The following CPNE8 variants were observed in gnomAD, a reference collection of about 807,000 sequenced individuals.
The protein encoded by CPNE8 is copine-8.
CPNE8 carries 45 observed loss-of-function variants against 81.5 expected under a neutral mutation model. That is an observed-to-expected ratio of 0.55 (90% CI 0.44 to 0.71). The LOEUF (loss-of-function observed/expected upper bound fraction) is 0.71. CPNE8 is among the 30% of genes least tolerant of loss of function. The pLI, the probability that CPNE8 is intolerant of heterozygous loss-of-function variation, is 0.00. For missense variants in CPNE8, 594 were observed against 672.1 expected (o/e 0.88, Z 1.28); for synonymous variants, 252 against 226.3 (o/e 1.11, Z -1.02).
chr12:38,888,917 G>C (rs1002926023), intron 1 of CPNE8, among the ~76,000 whole-genome samples: 7 of 152,068 alleles, frequency 4.6e-5, no homozygotes, highest in African/African-American at 1.4e-4. Context: ...GTTCATATGT[G>C]ATGTGCCTTT....
At chr12:38,831,979 G>C (rs372249938) in intron 5 of CPNE8, among the ~76,000 whole-genome samples, 1 of 152,280 alleles carries the variant, frequency 6.6e-6, no homozygotes, top group Middle Eastern at 3.4e-3. Flanking sequence ...CATAAATATT[G>C]AGCAGGATCA....
chr12:38,902,275 A>AAAGAAAAG lies in CPNE8; in HGVS notation c.98+3161_98+3162insCTTTTCTT, dbSNP rs1565669839. On this transcript the variant is annotated intron_variant, in intron 1 of 19. Coordinates refer to ENST00000331366, the MANE Select transcript of CPNE8 (RefSeq NM_153634.3). The stretch of plus-strand genomic sequence containing the variant: ...AAAGAAAAAAGAAAGAAAGAAAAAG[A>AAAGAAAAG]AAAGAAAGAAGGAAGGAAGGAAAGG... Among the ~76,000 whole-genome samples the AAAGAAAAG allele has an allele frequency of 5.0e-5, 6 of 120,182 alleles. 1 individual carries two copies. Among genetic ancestry groups the AAAGAAAAG allele is most frequent in the African/African-American group, 1.7e-4 (5 of 29,256 alleles). 78.8% of individuals were successfully genotyped at this position (120,182 alleles called of 152,430 possible). A position where few individuals can be genotyped will look rare whatever the true frequency, so the allele number is the denominator to read the frequency against.
At chr12:38,654,102 A>G in intron 19 of CPNE8, 32 bp from the exon 20 acceptor site, 1 of 1,562,818 alleles carries the variant, frequency 6.4e-7, no homozygotes, top group Non-Finnish European at 8.7e-7. Context: ...GTTATTTCAC[A>G]GACTTTAGCA....
chr12:38,884,003 C>G (rs1018189748), intron 1 of CPNE8, among the ~76,000 whole-genome samples: 2 of 152,150 alleles, frequency 1.3e-5, no homozygotes, highest in Non-Finnish European at 2.9e-5. Context: ...TCTAGCTAAT[C>G]CACAGTATCT....
chr12:38,827,355 A>C (rs1273804673), intron 6 of CPNE8, among the ~76,000 whole-genome samples: 1 of 152,126 alleles, frequency 6.6e-6, no homozygotes, highest in Non-Finnish European at 1.5e-5. Context: ...AAAAGGGAAC[A>C]CTTATATGCT....
At chr12:38,798,240 A>G (rs1942554144) in intron 6 of CPNE8, among the ~76,000 whole-genome samples, 2 of 152,112 alleles carry the variant, frequency 1.3e-5, no homozygotes, top group African/African-American at 4.8e-5. Context: ...TCCAAGACAC[A>G]TAATTGTCGG....
At chr12:38,704,526 G>T (rs1007411556) in intron 13 of CPNE8, among the ~76,000 whole-genome samples, 1 of 151,966 alleles carries the variant, frequency 6.6e-6, no homozygotes. Context: ...AGTCAAAAAT[G>T]CATTTAAATA....
intron 13 of CPNE8, among the ~76,000 whole-genome samples, chr12:38,704,697 C>T (rs1299490625): frequency 6.6e-6 from 1 of 151,450 alleles, no homozygotes; most frequent in Non-Finnish European, 1.5e-5. Flanking sequence ...CTGTGGCCAC[C>T]GTCCAGCATC....
Position 38,757,074 on chromosome 12 carries a change from T to C in CPNE8, c.722+3773A>G, listed in dbSNP as rs536915832. The stretch of plus-strand genomic sequence containing the variant: ...ACTAGAAAATTTAAAATTATATATG[T>C]GACTTGCATTATATTTCCATTGTAC... On this transcript the variant is annotated intron_variant, in intron 10 of 19. Coordinates refer to ENST00000331366, the MANE Select transcript of CPNE8 (RefSeq NM_153634.3). Among the ~76,000 whole-genome samples the C allele has an allele frequency of 7.9e-5, 12 of 152,200 alleles. 1 individual carries two copies. Among genetic ancestry groups the C allele is most frequent in the Admixed American group, 2.6e-4 (4 of 15,276 alleles).
chr12:38,753,384 A>G (rs1941392366), intron 10 of CPNE8, among the ~76,000 whole-genome samples: 1 of 152,180 alleles, frequency 6.6e-6, no homozygotes, highest in Non-Finnish European at 1.5e-5. Context: ...TCTGGGAAGC[A>G]GAGGTTGCAG....
intron 10 of CPNE8, among the ~76,000 whole-genome samples, chr12:38,750,348 A>G (rs957848362): frequency 2.0e-5 from 3 of 152,158 alleles, no homozygotes; most frequent in Non-Finnish European, 4.4e-5. Flanking sequence ...TGGAGCTGTG[A>G]GAAGAGGGCC....
At chr12:38,891,948 G>A (rs759763868) in intron 1 of CPNE8, among the ~76,000 whole-genome samples, 2 of 152,156 alleles carry the variant, frequency 1.3e-5, no homozygotes, top group Non-Finnish European at 2.9e-5. Flanking sequence ...GGAGACAGGC[G>A]TGCAAAAACC....
At position 38,704,826 on chromosome 12, in the gene CPNE8, G is replaced by GTATATATATGTGTGTATATA. The variant is rs58878926; in HGVS notation, c.915-1906_915-1905insTATATACACACATATATATA. On this transcript the variant is annotated intron_variant, in intron 13 of 19. Coordinates refer to ENST00000331366, the MANE Select transcript of CPNE8 (RefSeq NM_153634.3). ...GGACCATCTGTGTGTGTATGTATGTGTATATATATATATATATATATATAT... is the reference window on the plus strand; with the variant it reads ...GGACCATCTGTGTGTGTATGTATGTGTATATATATGTGTGTATATATATATATATATATATATATATATAT... Among the ~76,000 whole-genome samples the GTATATATATGTGTGTATATA allele has an allele frequency of 5.4e-3, 273 of 50,168 alleles. 12 individuals are homozygous for GTATATATATGTGTGTATATA. Among genetic ancestry groups the GTATATATATGTGTGTATATA allele is most frequent in the African/African-American group, 0.012 (251 of 21,624 alleles). 32.9% of individuals were successfully genotyped at this position (50,168 alleles called of 152,430 possible). A position where few individuals can be genotyped will look rare whatever the true frequency, so the allele number is the denominator to read the frequency against.
intron 5 of CPNE8, among the ~76,000 whole-genome samples, chr12:38,839,457 C>A (rs1164281503): frequency 6.6e-6 from 1 of 151,966 alleles, no homozygotes; most frequent in Non-Finnish European, 1.5e-5. Flanking sequence ...CCATATTATG[C>A]CCTCTGAAAC....
chr12:38,708,616 A>G (rs1940172773), intron 13 of CPNE8, among the ~76,000 whole-genome samples: 1 of 152,210 alleles, frequency 6.6e-6, no homozygotes, highest in Non-Finnish European at 1.5e-5. Context: ...GAGATCTCCC[A>G]ATACATATGT....
chr12:38,679,460 C>A (rs1592005132), intron 16 of CPNE8: 1 of 401,684 alleles, frequency 2.5e-6, no homozygotes, highest in Admixed American at 6.4e-5. Context: ...TAAATACATG[C>A]TTGTATTAAT....
In CPNE8 at chr12:38,677,457, C is replaced by A; in HGVS notation, c.1369G>T (p.Val457Phe). The change falls in exon 17 of 20, where the codon GTT becomes TTT. Residue 457 changes from valine to phenylalanine, a missense_variant. By Grantham distance (50) the Val-to-Phe change is conservative. Coordinates refer to ENST00000331366, the MANE Select transcript of CPNE8 (RefSeq NM_153634.3). ...SDMAQTKESI[V>F]NASKLPMSII... ...ACGGAGTGACCCCCACTTACATTAA[C>A]TATGGACTCCTTAGTCTGGGCCATA... 1 of 1,588,466 alleles carries A rather than the reference C, an allele frequency of 6.3e-7. No individual in the cohort carries two copies. Among genetic ancestry groups the A allele is most frequent in the Non-Finnish European group, 8.6e-7 (1 of 1,156,982 alleles).
intron 1 of CPNE8, among the ~76,000 whole-genome samples, chr12:38,893,536 T>A (rs1330064939): frequency 6.6e-6 from 1 of 152,206 alleles, no homozygotes; most frequent in African/African-American, 2.4e-5. Flanking sequence ...GAAATAACCA[T>A]AAAAATGGGC....
chr12:38,777,659 G>T (rs1049930863), intron 6 of CPNE8, among the ~76,000 whole-genome samples: 1 of 152,094 alleles, frequency 6.6e-6, no homozygotes, highest in Non-Finnish European at 1.5e-5. Context: ...CTTATGTTTA[G>T]ATACACAAAT....
Sources: gnomAD v4.1 joint callset for allele counts (sites outside exome capture counted in the v4.1 genomes callset) on GRCh38, gnomAD v4.1.1 for gene constraint, MANE v1.5 for transcripts, NCBI Gene and HGNC (gene_info 2026-07-23, HGNC 2026-07-21) for gene names.